S100PBP: variants seen among roughly 807,000 people sequenced by gnomAD.
S100PBP encodes S100P binding protein, also known as S100P-binding protein.
Under a neutral mutation model 39.9 loss-of-function variants are expected in S100PBP, and 15 were observed. That is an observed-to-expected ratio of 0.38 (90% CI 0.25 to 0.58). S100PBP has a LOEUF of 0.58. S100PBP is among the 20% of genes least tolerant of loss of function. S100PBP has a pLI of 0.70. For synonymous variants in S100PBP, 178 were observed against 180.3 expected (o/e 0.99, Z 0.10); for missense variants, 504 against 487.3 (o/e 1.03, Z -0.32).
intron 1 of S100PBP, among the ~76,000 whole-genome samples, chr1:32,824,200 C>T (rs1428136743): frequency 1.1e-5 from 1 of 92,964 alleles, no homozygotes; most frequent in Non-Finnish European, 2.4e-5. Context: ...AGTGAGACTC[C>T]GTCTCAAAAA....
intron 5 of S100PBP, among the ~76,000 whole-genome samples, chr1:32,843,845 C>A (rs2148677710): frequency 6.6e-6 from 1 of 152,156 alleles, no homozygotes; most frequent in African/African-American, 2.4e-5. Flanking sequence ...GTCTTGGCCT[C>A]CCAAAGTGGT....
rs1640356496 is a variant in S100PBP at position 32,845,990 on chromosome 1, A to AT, written c.1025-7082dup. 2.0e-5 allele frequency among the ~76,000 whole-genome samples: 3 copies of AT among 147,878 alleles called. No homozygotes were observed. In the South Asian group the frequency reaches 6.5e-4, roughly 32 times the overall value. On this transcript the variant is annotated intron_variant, in intron 5 of 6. Transcript: ENST00000373475. ...CACTGGGCCTTGCCTTAATTAATTT[A>AT]TTTTTTTATTTTTTTTTGAGATGGA...
intron 5 of S100PBP, among the ~76,000 whole-genome samples, chr1:32,842,196 A>AT (rs1640130114): frequency 3.3e-5 from 4 of 119,808 alleles, no homozygotes; most frequent in African/African-American, 9.8e-5. Context: ...AAAAAAAAAA[A>AT]AAAAAAACAT....
chr1:32,846,146 C>T (rs750083742), intron 5 of S100PBP, among the ~76,000 whole-genome samples: 1 of 151,826 alleles, frequency 6.6e-6, no homozygotes, highest in African/African-American at 2.4e-5. Flanking sequence ...CATGCCACTA[C>T]ACCCGGCTTA....
Position 32,858,603 on chromosome 1 carries a change from G to A in S100PBP, c.*2565G>A, listed in dbSNP as rs763627206. ...TCTTGCTGTATTATTTTTTAAGCAA[G>A]TGTTAGGTGCATTTAACTGCTTTCT... On this transcript the variant is annotated 3_prime_UTR_variant, in exon 7 of 7. Transcript: ENST00000373475. The A allele has an allele frequency of 2.6e-5, 4 of 152,196 alleles. No homozygotes were observed. Among genetic ancestry groups the A allele is most frequent in the Non-Finnish European group, 5.9e-5 (4 of 68,034 alleles). The allele number at this position is 152,196 out of a possible 1,614,324, so 9.4% of individuals were successfully genotyped here. A position where few individuals can be genotyped will look rare whatever the true frequency, so the allele number is the denominator to read the frequency against.
intron 5 of S100PBP, among the ~76,000 whole-genome samples, chr1:32,849,618 AAGTT>A (rs1302910831): frequency 2.6e-5 from 4 of 152,240 alleles, no homozygotes; most frequent in Admixed American, 6.5e-5. Context: ...GTCTAACAAT[AAGTT>A]AGTTATTAGT....
intron 1 of S100PBP, among the ~76,000 whole-genome samples, chr1:32,823,569 A>C (rs1214034063): frequency 6.6e-6 from 1 of 152,188 alleles, no homozygotes; most frequent in Admixed American, 6.5e-5. Context: ...GTCTCAGAGC[A>C]CCTGGTTTAT....
At chr1:32,817,146 C>T (rs1355924240), upstream of S100PBP, 1 of 1,612,054 alleles carries the variant, frequency 6.2e-7, no homozygotes, top group Non-Finnish European at 8.5e-7. Flanking sequence ...GAACCTCGGG[C>T]TCCTAATCCC....
At position 32,826,490 on chromosome 1, in the gene S100PBP, A is replaced by G. The variant is rs370904573; in HGVS notation, c.391A>G (p.Lys131Glu). The G allele has an allele frequency of 1.1e-5, 18 of 1,614,050 alleles. No homozygotes were observed. Among genetic ancestry groups the G allele is most frequent in the East Asian group, 2.2e-5 (1 of 44,890 alleles). The change falls in exon 3 of 7, where the codon AAA (lysine) becomes GAA (glutamate). Residue 131 changes from lysine to glutamate, a missense_variant. Lys to Glu is a moderately conservative substitution (Grantham distance 56, BLOSUM62 1). Coordinates refer to ENST00000373475, the MANE Select transcript of S100PBP (RefSeq NM_022753.4). ...AAGTGGTCATGGACCAGCTCATACT[A>G]AACCATTAAACAGACGCTCTGTACT... ...TSSGHGPAHT[K>E]PLNRRSVLEK...
At chr1:32,825,102 G>A (rs1320552134) in intron 1 of S100PBP, 2 of 152,022 alleles carry the variant, frequency 1.3e-5, no homozygotes, top group Non-Finnish European at 2.9e-5. Context: ...TTGTTGGGAG[G>A]AACAAAACTA....
In S100PBP at chr1:32,849,058, G is replaced by C. The variant is rs991615790; in HGVS notation, c.1025-4021G>C. ...TGAGGTTCAAACTATAAGCTAAAAT[G>C]AGGTTTTTGGATTATTAGCCCCACC... On this transcript the variant is annotated intron_variant, in intron 5 of 6. Coordinates refer to ENST00000373475, the MANE Select transcript of S100PBP (RefSeq NM_022753.4). Among the ~76,000 whole-genome samples the C allele has an allele frequency of 3.3e-5, 5 of 152,310 alleles. No individual in the cohort carries two copies. In the South Asian group the frequency reaches 8.3e-4, roughly 25 times the overall value.
intron 5 of S100PBP, among the ~76,000 whole-genome samples, chr1:32,849,887 C>T (rs1267726710): frequency 2.0e-5 from 3 of 152,112 alleles, no homozygotes; most frequent in African/African-American, 7.2e-5. Flanking sequence ...GTTTTATATA[C>T]TTTTGTCTGT....
chr1:32,838,333 CAAAAAAAAAA>C (rs770251816), intron 5 of S100PBP, among the ~76,000 whole-genome samples: 15 of 67,876 alleles, frequency 2.2e-4, no homozygotes, highest in Non-Finnish European at 3.7e-4. Flanking sequence ...GACTCTGTCT[CAAAAAAAAAA>C]AAAAAAAAAA....
chr1:32,846,343 G>C (rs945013117), intron 5 of S100PBP, among the ~76,000 whole-genome samples: 1 of 149,026 alleles, frequency 6.7e-6, no homozygotes, highest in African/African-American at 2.5e-5. Context: ...CATATAATTG[G>C]TAGCTGGGTC....
chr1:32,853,610 G>A (rs1640712166), intron 6 of S100PBP, among the ~76,000 whole-genome samples: 1 of 151,956 alleles, frequency 6.6e-6, no homozygotes, highest in Non-Finnish European at 1.5e-5. Context: ...AATAAGAACT[G>A]GACTGAGGCT....
Position 32,826,597 on chromosome 1 carries a change from T to G in S100PBP, c.498T>G (p.Asp166Glu). Residue 166 changes from aspartate to glutamate, a missense_variant, in exon 3 of 7, where the codon GAT becomes GAG. Coordinates refer to ENST00000373475, the MANE Select transcript of S100PBP (RefSeq NM_022753.4). ...CDALLDKDET[D>E]SSKDTEKLSS... ...CTCTGCTTGATAAGGACGAGACTGA[T>G]TCGTCCAAAGATACTGAAAAACTCT... The G allele has an allele frequency of 6.2e-7, 1 of 1,613,930 alleles. No homozygotes were observed.
rs1487238975 is a variant in S100PBP at position 32,830,080 on chromosome 1, C to G, written c.1024+13C>G. The stretch of plus-strand genomic sequence containing the variant: ...GACACTAACCAAGGTAACATGGTAC[C>G]CAGAGAAAGGCATATAAAACATGTG... On this transcript the variant is annotated intron_variant, in intron 5 of 6. Transcript: ENST00000373475. 6.7e-7 allele frequency: 1 copy of G among 1,489,982 alleles called. No homozygotes were observed. Among genetic ancestry groups the G allele is most frequent in the Non-Finnish European group, 9.4e-7 (1 of 1,068,288 alleles). The allele number at this position is 1,489,982 out of a possible 1,614,324, so 92.3% of individuals were successfully genotyped here.
upstream of S100PBP, chr1:32,816,964 A>G (rs1032835961): frequency 6.5e-6 from 4 of 618,670 alleles, 1 homozygote; most frequent in South Asian, 7.6e-5. Flanking sequence ...CTCCAACACA[A>G]GACAACTGGA....
intron 3 of S100PBP, 116 bp downstream of exon 3, chr1:32,827,046 C>T: frequency 3.0e-6 from 2 of 664,964 alleles, no homozygotes; most frequent in Non-Finnish European, 2.5e-6. Flanking sequence ...CTGCTGTGGG[C>T]ATCCTACACC....
Sources: allele counts gnomAD v4.1 joint callset (sites outside exome capture counted in the v4.1 genomes callset), GRCh38; gene constraint gnomAD v4.1.1; transcripts MANE v1.5; gene names NCBI Gene and HGNC (gene_info 2026-07-23, HGNC 2026-07-21).